The following RNF38 variants were observed in gnomAD, a reference collection of about 807,000 sequenced individuals.
The protein encoded by RNF38 is E3 ubiquitin-protein ligase RNF38.
Under a neutral mutation model 67.2 loss-of-function variants are expected in RNF38, and 15 were observed. That is an observed-to-expected ratio of 0.22 (90% CI 0.15 to 0.34). The LOEUF (loss-of-function observed/expected upper bound fraction) is 0.34, where lower values mean the gene tolerates loss of function less well. RNF38 is among the 10% of genes least tolerant of loss of function. The pLI is 1.00. For synonymous variants in RNF38, 220 were observed against 218.8 expected, an observed-to-expected ratio of 1.01 and a Z score of -0.05; for missense variants, 524 against 639.9, an observed-to-expected ratio of 0.82 and a Z score of 1.95.
chr9:36,384,935 A>C (rs1836492133), intron 2 of RNF38, among the ~76,000 whole-genome samples: 2 of 152,218 alleles, frequency 1.3e-5, no homozygotes, highest in South Asian at 2.1e-4. Context: ...GGGAGGCGAG[A>C]GCCTTGAAGA....
At chr9:36,461,360 T>C (rs1400897694) in intron 1 of RNF38, among the ~76,000 whole-genome samples, 1 of 152,148 alleles carries the variant, frequency 6.6e-6, no homozygotes, top group African/African-American at 2.4e-5. Context: ...TTCTTTAGAC[T>C]GAGTAGTCAA....
intron 2 of RNF38, among the ~76,000 whole-genome samples, chr9:36,414,606 A>C (rs1356497280): frequency 6.6e-6 from 1 of 151,844 alleles, no homozygotes; most frequent in Non-Finnish European, 1.5e-5. Context: ...GAATCACTAG[A>C]ACCCAGGAGG....
chr9:36,432,799 C>CA (rs987960935), intron 1 of RNF38, among the ~76,000 whole-genome samples: 5 of 151,848 alleles, frequency 3.3e-5, no homozygotes, highest in East Asian at 1.9e-4. Context: ...AAAAACAAAA[C>CA]AAAAAAACAA....
intron 11 of RNF38, among the ~76,000 whole-genome samples, chr9:36,342,081 T>C (rs1196641481): frequency 6.6e-6 from 1 of 152,190 alleles, no homozygotes; most frequent in African/African-American, 2.4e-5. Flanking sequence ...CTTGTCCCTA[T>C]ATACCATGAA....
intron 2 of RNF38, among the ~76,000 whole-genome samples, chr9:36,378,054 C>A (rs991081482): frequency 3.3e-5 from 5 of 149,986 alleles, no homozygotes; most frequent in African/African-American, 1.2e-4. Flanking sequence ...TTTAAATATT[C>A]TGATTTTTTT....
intron 1 of RNF38, among the ~76,000 whole-genome samples, chr9:36,399,072 G>A (rs1413539389): frequency 3.3e-5 from 5 of 152,192 alleles, no homozygotes; most frequent in African/African-American, 1.2e-4. Context: ...CTAACAGTCA[G>A]TTATGTCTGA....
At chr9:36,357,151 G>C (rs1443318916) in intron 5 of RNF38, among the ~76,000 whole-genome samples, 1 of 152,108 alleles carries the variant, frequency 6.6e-6, no homozygotes, top group African/African-American at 2.4e-5. Flanking sequence ...AAAGGAGGCT[G>C]AACTGAGATT....
chr9:36,479,368 A>G (rs1840196340), intron 1 of RNF38, among the ~76,000 whole-genome samples: 2 of 152,298 alleles, frequency 1.3e-5, no homozygotes, highest in Middle Eastern at 3.4e-3. Flanking sequence ...TGGAGCCACT[A>G]TGGTGGCCCT....
intron 2 of RNF38, among the ~76,000 whole-genome samples, chr9:36,380,478 G>A (rs889546400): frequency 2.0e-5 from 3 of 151,888 alleles, no homozygotes; most frequent in Non-Finnish European, 2.9e-5. Flanking sequence ...GGGATTACAG[G>A]CGTGAGCCAC....
chr9:36,462,249 C>CT (rs1839749629), intron 1 of RNF38, among the ~76,000 whole-genome samples: 5 of 152,264 alleles, frequency 3.3e-5, no homozygotes, highest in Admixed American at 2.6e-4. Context: ...GGGTGACTGA[C>CT]TATACACCAA....
intron 1 of RNF38, among the ~76,000 whole-genome samples, chr9:36,456,629 G>A (rs1839602167): frequency 6.6e-6 from 1 of 152,036 alleles, no homozygotes; most frequent in South Asian, 2.1e-4. Context: ...GCTGGGCTGA[G>A]GGTTTCTCTG....
chr9:36,445,449 T>C (rs1839278574), intron 1 of RNF38, among the ~76,000 whole-genome samples: 1 of 152,248 alleles, frequency 6.6e-6, no homozygotes, highest in South Asian at 2.1e-4. Flanking sequence ...ATATTAATAA[T>C]TTTACAACTA....
Position 36,462,231 on chromosome 9 carries a change from G to T in RNF38, n.241+25077C>A, listed in dbSNP as rs1456935772. Among the ~76,000 whole-genome samples the T allele has an allele frequency of 2.0e-5, 3 of 152,108 alleles. No homozygotes were observed. The East Asian group carries it at 5.8e-4, about 29-fold the overall frequency. On this transcript the variant is annotated intron_variant and non_coding_transcript_variant, in intron 1 of 3. Transcript: ENST00000488058. ...CTGGAATAAAGGATTAAGTCAAAGAGGGCTGAAGGGTGACTGACTATACAC... is the reference window on the plus strand; with the variant it reads ...CTGGAATAAAGGATTAAGTCAAAGATGGCTGAAGGGTGACTGACTATACAC...
intron 9 of RNF38, among the ~76,000 whole-genome samples, chr9:36,346,963 C>CA (rs1356948783): frequency 2.6e-5 from 4 of 151,730 alleles, no homozygotes; most frequent in Admixed American, 1.3e-4. Context: ...ACTAAAATTA[C>CA]AAAAAAATTA....
intron 1 of RNF38, among the ~76,000 whole-genome samples, chr9:36,392,029 A>G (rs1361149614): frequency 6.6e-6 from 1 of 152,232 alleles, no homozygotes; most frequent in Non-Finnish European, 1.5e-5. Flanking sequence ...AGCTGCCAAG[A>G]GACAGCAGTG....
At chr9:36,368,728 CTA>C (rs1835153633) in intron 4 of RNF38, among the ~76,000 whole-genome samples, 1 of 152,048 alleles carries the variant, frequency 6.6e-6, no homozygotes, top group Non-Finnish European at 1.5e-5. Flanking sequence ...TCAATTGTCA[CTA>C]TGTGTTATTG....
intron 4 of RNF38, among the ~76,000 whole-genome samples, chr9:36,358,794 G>C (rs1335974111): frequency 6.6e-6 from 1 of 152,146 alleles, no homozygotes; most frequent in African/African-American, 2.4e-5. Flanking sequence ...CAGATCGCTG[G>C]AGGTCAGGAG....
chr9:36,414,623 T>C (rs1009616983), intron 2 of RNF38, among the ~76,000 whole-genome samples: 4 of 150,940 alleles, frequency 2.7e-5, no homozygotes, highest in Admixed American at 2.6e-4. Context: ...GAGGTGGAGG[T>C]TGTGGTGAGC....
intron 1 of RNF38, among the ~76,000 whole-genome samples, chr9:36,482,026 T>C (rs958943730): frequency 9.4e-5 from 14 of 148,346 alleles, no homozygotes; most frequent in Middle Eastern, 3.6e-3. Flanking sequence ...CTTTCTCTCC[T>C]CCATTTACCA....
Sources: allele counts gnomAD v4.1 joint callset (sites outside exome capture counted in the v4.1 genomes callset), GRCh38; gene constraint gnomAD v4.1.1; transcripts MANE v1.5; gene names NCBI Gene and HGNC (gene_info 2026-07-23, HGNC 2026-07-21).